Variants in CASS4 observed in about 807,000 individuals in gnomAD.
The protein encoded by CASS4 is cas scaffolding protein family member 4.
CASS4 carries 22 observed loss-of-function variants against 54.2 expected under a neutral mutation model. The observed-to-expected ratio is 0.41, with a 90% CI of 0.29 to 0.58. The LOEUF (loss-of-function observed/expected upper bound fraction) is 0.58, where lower values mean the gene tolerates loss of function less well. CASS4 is among the 20% of genes least tolerant of loss of function. CASS4 has a pLI of 0.36. For missense variants in CASS4, 854 were observed against 986.7 expected (o/e 0.87, Z 1.80); for synonymous variants, 409 against 391.5 (o/e 1.04, Z -0.53).
intron 5 of CASS4, 84 bp downstream of exon 5, chr20:56,453,213 C>A: frequency 1.0e-6 from 1 of 988,130 alleles, no homozygotes; most frequent in Non-Finnish European, 1.5e-6. Context: ...AGACTCTTTC[C>A]ATAGTGTATA....
intron 1 of CASS4, among the ~76,000 whole-genome samples, chr20:56,417,661 G>A (rs1168056775): frequency 6.6e-6 from 1 of 152,230 alleles, no homozygotes; most frequent in Non-Finnish European, 1.5e-5. Context: ...GTGGTAGTGT[G>A]TGAACGAATG....
chr20:56,447,832 G>A (rs1230388161), intron 3 of CASS4, among the ~76,000 whole-genome samples: 1 of 150,782 alleles, frequency 6.6e-6, no homozygotes, highest in African/African-American at 2.4e-5. Flanking sequence ...GAGCACAGGC[G>A]CTTGCCTTGG....
At position 56,452,335 on chromosome 20, in the gene CASS4, C is replaced by A. The variant is rs772361440; in HGVS notation, c.1159C>A (p.Arg387=). 3 of 1,613,942 alleles carry A rather than the reference C, an allele frequency of 1.9e-6. No individual in the cohort carries two copies. The Admixed American group carries it at 5.0e-5, about 27-fold the overall frequency. ...AGHNSSWFSR[R]TTSPSPEPDR... is the part of the protein sequence containing the mutation. ...CCATAATTCCTCATGGTTCTCCAGA[C>A]GGACAACTTCCCCATCTCCTGAACC... Residue 387 remains arginine, a synonymous_variant, in exon 5 of 6, where the codon CGG becomes AGG. Coordinates refer to ENST00000679887, the MANE Select transcript of CASS4 (RefSeq NM_020356.4).
intron 5 of CASS4, among the ~76,000 whole-genome samples, chr20:56,456,648 T>C (rs139658783): frequency 0.025 from 3,856 of 152,184 alleles, 168 homozygotes; most frequent in African/African-American, 0.087. Flanking sequence ...GTGCTGGGAT[T>C]ACAGGTGTGA....
intron 5 of CASS4, among the ~76,000 whole-genome samples, chr20:56,456,014 C>T (rs1981274317): frequency 6.6e-6 from 1 of 151,602 alleles, no homozygotes; most frequent in South Asian, 2.1e-4. Context: ...GTCTGGGGTG[C>T]AGCATAATAA....
intron 1 of CASS4, among the ~76,000 whole-genome samples, chr20:56,432,830 C>T (rs1239705208): frequency 6.6e-6 from 1 of 152,152 alleles, no homozygotes; most frequent in Non-Finnish European, 1.5e-5. Flanking sequence ...CTAGTTACGC[C>T]TTGAGGTTTA....
chr20:56,427,888 G>A (rs1056229127), intron 1 of CASS4, among the ~76,000 whole-genome samples: 2 of 152,158 alleles, frequency 1.3e-5, no homozygotes, highest in African/African-American at 2.4e-5. Flanking sequence ...GCCGAAATGC[G>A]AAACATGGAC....
At chr20:56,436,444 G>GTA (rs1170035147) in intron 1 of CASS4, among the ~76,000 whole-genome samples, 1 of 150,060 alleles carries the variant, frequency 6.7e-6, no homozygotes, top group African/African-American at 2.5e-5. Flanking sequence ...GTGTGTGTGT[G>GTA]TATATATACA....
chr20:56,454,846 C>T (rs1039647891), intron 5 of CASS4, among the ~76,000 whole-genome samples: 6 of 152,138 alleles, frequency 3.9e-5, no homozygotes, highest in African/African-American at 1.2e-4. Context: ...CCCACATGGG[C>T]GAGAGTTCGT....
chr20:56,441,108 C>T (rs1237089870), intron 2 of CASS4, among the ~76,000 whole-genome samples: 1 of 151,430 alleles, frequency 6.6e-6, no homozygotes, highest in Non-Finnish European at 1.5e-5. Context: ...CCTGCCTCAG[C>T]CTCCCAAGTA....
intron 5 of CASS4, among the ~76,000 whole-genome samples, chr20:56,454,454 T>C (rs1981190622): frequency 6.6e-6 from 1 of 152,196 alleles, no homozygotes. Context: ...ACAAACCATG[T>C]GGGTCATTAT....
chr20:56,457,950 G>C lies in CASS4; in HGVS notation c.1954-390G>C, dbSNP rs188894913. On this transcript the variant is annotated intron_variant, in intron 5 of 5. Coordinates refer to ENST00000679887, the MANE Select transcript of CASS4 (RefSeq NM_020356.4). ...GAATTGCTTGAACCCAGAAGGTGGA[G>C]GTTGCAGTAAGCTGAGATTGCACCA... 1.9e-3 allele frequency among the ~76,000 whole-genome samples: 287 copies of C among 150,494 alleles called. 2 individuals carry two copies. The highest frequency in any genetic ancestry group is 4.9e-4 in the Non-Finnish European group (33 of 67,816).
Position 56,428,950 on chromosome 20 carries a change from G to A in CASS4, c.37-8214G>A, listed in dbSNP as rs150913821. 5.5e-3 allele frequency among the ~76,000 whole-genome samples: 829 copies of A among 149,516 alleles called. 9 individuals are homozygous for A. The highest frequency in any genetic ancestry group is 0.02 in the African/African-American group (792 of 39,644). On this transcript the variant is annotated intron_variant, in intron 1 of 5. Coordinates refer to ENST00000679887, the MANE Select transcript of CASS4 (RefSeq NM_020356.4). ...TGCCCCCCAGCCCTGACATTCTTGA[G>A]TTTCTGCAGCTTTGCTCTTTTGAGT...
intron 3 of CASS4, among the ~76,000 whole-genome samples, chr20:56,446,657 G>A (rs976471511): frequency 1.8e-4 from 28 of 151,962 alleles, no homozygotes; most frequent in African/African-American, 4.6e-4. Context: ...CTGCGGTGGC[G>A]TTCTCCCCAC....
intron 3 of CASS4, among the ~76,000 whole-genome samples, chr20:56,449,582 C>A (rs1980894434): frequency 6.6e-6 from 1 of 151,918 alleles, no homozygotes; most frequent in Non-Finnish European, 1.5e-5. Flanking sequence ...CCACGTTGTG[C>A]ACATGTACCT....
At chr20:56,448,628 A>G (rs981821954) in intron 3 of CASS4, among the ~76,000 whole-genome samples, 2 of 151,544 alleles carry the variant, frequency 1.3e-5, no homozygotes, top group Non-Finnish European at 2.9e-5. Flanking sequence ...TCACAGCCCA[A>G]CTCCCTCTAC....
intron 1 of CASS4, among the ~76,000 whole-genome samples, chr20:56,429,534 C>T (rs905472230): frequency 6.6e-6 from 1 of 152,122 alleles, no homozygotes; most frequent in Non-Finnish European, 1.5e-5. Flanking sequence ...AATTAGGAGC[C>T]AGGGCCTTTG....
chr20:56,437,653 T>C lies in CASS4; in HGVS notation c.459+67T>C. On this transcript the variant is annotated intron_variant, in intron 2 of 5. Coordinates refer to ENST00000679887, the MANE Select transcript of CASS4 (RefSeq NM_020356.4). This position sits in a 1 kb window ranked among gnomAD's most constrained non-coding sequence, Gnocchi z 4.7. ...GGAAACACCCAGAGGCCTAACTACCTCTTGAGGCATGGGTGTCCTTCAGAT... is the reference window on the plus strand; with the variant it reads ...GGAAACACCCAGAGGCCTAACTACCCCTTGAGGCATGGGTGTCCTTCAGAT... The C allele has an allele frequency of 7.3e-7, 1 of 1,363,444 alleles. No individual in the cohort carries two copies. The highest frequency in any genetic ancestry group is 2.4e-5 in the Admixed American group (1 of 40,882). The allele number at this position is 1,363,444 out of a possible 1,614,324, so 84.5% of individuals were successfully genotyped here. A position where few individuals can be genotyped will look rare whatever the true frequency, so the allele number is the denominator to read the frequency against.
At position 56,452,766 on chromosome 20, in the gene CASS4, G is replaced by C; in HGVS notation, c.1590G>C (p.Leu530=). 6.2e-7 allele frequency: 1 copy of C among 1,614,048 alleles called. No individual in the cohort carries two copies. Among genetic ancestry groups the C allele is most frequent in the Non-Finnish European group, 8.5e-7 (1 of 1,180,026 alleles). Residue 530 remains leucine (L), a synonymous_variant, in exon 5 of 6, where the codon CTG becomes CTC. Transcript: ENST00000679887. ...CCATCTCCAACTCCTACCGCATCCTGCTTGAAACAAAGGAAAGCTTGGATA... is the reference window on the plus strand; with the variant it reads ...CCATCTCCAACTCCTACCGCATCCTCCTTGAAACAAAGGAAAGCTTGGATA... ...MQTISNSYRI[L]LETKESLDNR...
Sources: allele counts gnomAD v4.1 joint callset (sites outside exome capture counted in the v4.1 genomes callset), GRCh38; gene constraint gnomAD v4.1.1; non-coding constraint Gnocchi (gnomAD v3.1); transcripts MANE v1.5; gene names NCBI Gene and HGNC (gene_info 2026-07-23, HGNC 2026-07-21).